Variants in MAPK10 observed in about 807,000 individuals in gnomAD.
The protein encoded by MAPK10 is JNK3 alpha protein kinase.
A neutral mutation model predicts 59.3 loss-of-function variants in MAPK10; 25 were observed. The observed-to-expected ratio is 0.42, with a 90% CI of 0.31 to 0.59. MAPK10 has a LOEUF of 0.59. Ranked by LOEUF, MAPK10 falls within the 20% of genes least tolerant of loss-of-function variation. The pLI, the probability that MAPK10 is intolerant of heterozygous loss-of-function variation, is 0.15. For synonymous variants in MAPK10, 190 were observed against 200.5 expected, an observed-to-expected ratio of 0.95 and a Z score of 0.44; for missense variants, 351 against 568.9, an observed-to-expected ratio of 0.62 and a Z score of 3.90.
chr4:86,336,524 G>A (rs939721579), intron 2 of MAPK10: 1 of 152,048 alleles, frequency 6.6e-6, no homozygotes, highest in Admixed American at 6.6e-5. Context: ...GACAAACATG[G>A]AATCATCAAG....
chr4:86,568,524 C>A, intron 1 of MAPK10, among the ~76,000 whole-genome samples: 1 of 152,034 alleles, frequency 6.6e-6, no homozygotes, highest in East Asian at 1.9e-4. Context: ...GGTATTACAT[C>A]ACCTGATTTC....
At chr4:86,228,864 T>C (rs1462923386) in intron 2 of MAPK10, among the ~76,000 whole-genome samples, 1 of 152,206 alleles carries the variant, frequency 6.6e-6, no homozygotes, top group African/African-American at 2.4e-5. Context: ...GAGTCCTTCA[T>C]GAGCAACAAT....
At chr4:86,485,964 T>G (rs1335008807) in intron 1 of MAPK10, among the ~76,000 whole-genome samples, 2 of 152,190 alleles carry the variant, frequency 1.3e-5, no homozygotes, top group African/African-American at 4.8e-5. Context: ...AAGTGAAAAA[T>G]AAAATTCTGC....
At chr4:86,359,288 C>CTCTCTCTCTCTCTCTCTCTCTCTCTCTG (rs796310826) in intron 1 of MAPK10, among the ~76,000 whole-genome samples, 1 of 94,632 alleles carries the variant, frequency 1.1e-5, no homozygotes, top group African/African-American at 5.3e-5. Context: ...CTCTCTCTCT[C>CTCTCTCTCTCTCTCTCTCTCTCTCTCTG]TGTGTGTGTG....
chr4:86,536,707 A>G (rs1000534178), intron 1 of MAPK10, among the ~76,000 whole-genome samples: 1 of 152,270 alleles, frequency 6.6e-6, no homozygotes, highest in Admixed American at 6.5e-5. Flanking sequence ...AAAGCTATTT[A>G]CATGGAAATA....
In MAPK10 at chr4:86,017,929, G is replaced by A. The variant is rs1744185639; in HGVS notation, c.1253-559C>T. On this transcript the variant is annotated intron_variant, in intron 13 of 13. Transcript: ENST00000641462. This position sits in a 1 kb window ranked among gnomAD's most constrained non-coding sequence, Gnocchi z 4.4. ...GTAGAGATGAGGTTTCAACATGTTG[G>A]CCAGAATGGTCTCGATCTCTTGACC... Among the ~76,000 whole-genome samples the A allele has an allele frequency of 6.6e-6, 1 of 152,046 alleles. No homozygotes were observed. Among genetic ancestry groups the A allele is most frequent in the Admixed American group, 6.6e-5 (1 of 15,266 alleles).
chr4:86,366,687 T>C (rs575588499), intron 1 of MAPK10, among the ~76,000 whole-genome samples: 1 of 152,222 alleles, frequency 6.6e-6, no homozygotes, highest in South Asian at 2.1e-4. Flanking sequence ...AGCGTGGCAG[T>C]AAGGAGATTT....
At chr4:86,574,155 GT>G (rs1761684169) in intron 1 of MAPK10, among the ~76,000 whole-genome samples, 1 of 151,636 alleles carries the variant, frequency 6.6e-6, no homozygotes. Flanking sequence ...AACATGCGGT[GT>G]TTGGTTTTTT....
chr4:86,226,365 T>C (rs1583172415), intron 2 of MAPK10, among the ~76,000 whole-genome samples: 1 of 152,346 alleles, frequency 6.6e-6, no homozygotes, highest in South Asian at 2.1e-4. Flanking sequence ...TAGTGCATTT[T>C]AAAATCCTTA....
intron 1 of MAPK10, among the ~76,000 whole-genome samples, chr4:86,539,432 G>A (rs1758503511): frequency 6.6e-6 from 1 of 152,100 alleles, no homozygotes; most frequent in Non-Finnish European, 1.5e-5. Flanking sequence ...CCAATCAGAG[G>A]GAGGTTGGAA....
intron 11 of MAPK10, among the ~76,000 whole-genome samples, chr4:86,045,215 A>G (rs1428476905): frequency 6.6e-6 from 1 of 152,074 alleles, no homozygotes; most frequent in Non-Finnish European, 1.5e-5. Flanking sequence ...AAGTGTAATC[A>G]TGTCTTGAAA....
At chr4:86,355,912 C>T (rs1734220830) in intron 1 of MAPK10, among the ~76,000 whole-genome samples, 1 of 152,182 alleles carries the variant, frequency 6.6e-6, no homozygotes, top group Non-Finnish European at 1.5e-5. Context: ...AATCCATTTT[C>T]AGAAAGCACA....
intron 1 of MAPK10, among the ~76,000 whole-genome samples, chr4:86,518,002 T>C (rs973992519): frequency 6.6e-6 from 1 of 152,076 alleles, no homozygotes; most frequent in Non-Finnish European, 1.5e-5. Context: ...CTGTTTTTTG[T>C]TTGTTTTTTG....
At position 86,351,829 on chromosome 4, in the gene MAPK10, C is replaced by A. The variant is rs1451356990; in HGVS notation, c.-7+2701G>T. On this transcript the variant is annotated intron_variant, in intron 2 of 13. Transcript: ENST00000641462. ...ATTTGTAAAGTACTTACTATAGTGC[C>A]TATTACACAGTGAGAACTCAATAAG... Among the ~76,000 whole-genome samples the A allele has an allele frequency of 3.9e-5, 6 of 152,000 alleles. 1 individual carries two copies. Among genetic ancestry groups the A allele is most frequent in the Non-Finnish European group, 8.8e-5 (6 of 68,018 alleles).
At chr4:86,128,328 T>C (rs2060420888) in intron 4 of MAPK10, among the ~76,000 whole-genome samples, 2 of 152,110 alleles carry the variant, frequency 1.3e-5, no homozygotes, top group Admixed American at 6.6e-5. Context: ...TCTTGAATTG[T>C]AGTTCCCATA....
chr4:86,368,230 G>A (rs1041866735), intron 1 of MAPK10, among the ~76,000 whole-genome samples: 1 of 152,034 alleles, frequency 6.6e-6, no homozygotes, highest in Non-Finnish European at 1.5e-5. Flanking sequence ...GCAGCTTCAA[G>A]TTTACAGAAA....
intron 9 of MAPK10, among the ~76,000 whole-genome samples, chr4:86,083,151 G>A (rs1461943931): frequency 6.6e-6 from 1 of 152,048 alleles, no homozygotes; most frequent in African/African-American, 2.4e-5. Context: ...GGCAGAGCAG[G>A]ATGGCAAAAT....
intron 2 of MAPK10, among the ~76,000 whole-genome samples, chr4:86,277,374 T>C (rs2148788460): frequency 6.6e-6 from 1 of 152,320 alleles, no homozygotes; most frequent in Admixed American, 6.5e-5. Flanking sequence ...ATCTGTGGCA[T>C]ATCCTGGGAA....
intron 11 of MAPK10, among the ~76,000 whole-genome samples, chr4:86,044,247 C>T (rs1455659501): frequency 1.3e-5 from 2 of 152,250 alleles, no homozygotes; most frequent in East Asian, 3.9e-4. Flanking sequence ...GCATATTTAT[C>T]ATTTTCAATT....
Sources: allele counts gnomAD v4.1 joint callset (sites outside exome capture counted in the v4.1 genomes callset), GRCh38; gene constraint gnomAD v4.1.1; non-coding constraint Gnocchi (gnomAD v3.1); transcripts MANE v1.5; gene names NCBI Gene and HGNC (gene_info 2026-07-23, HGNC 2026-07-21).